SDK1: variants seen among roughly 807,000 people sequenced by gnomAD.
SDK1 encodes the protein sidekick cell adhesion molecule 1.
Under a neutral mutation model 245.5 loss-of-function variants are expected in SDK1, and 157 were observed. That is an observed-to-expected ratio of 0.64 (90% CI 0.56 to 0.73). The LOEUF (loss-of-function observed/expected upper bound fraction) is 0.73, where lower values mean the gene tolerates loss of function less well. SDK1 is among the 30% of genes least tolerant of loss of function. SDK1 has a pLI of 0.00. For missense variants in SDK1, 3,583 were observed against 3,002.3 expected (o/e 1.19, Z -4.52); for synonymous variants, 1,647 against 1,278.5 (o/e 1.29, Z -6.15).
chr7:3,858,022 T>G (rs1780588887), intron 5 of SDK1, among the ~76,000 whole-genome samples: 1 of 152,198 alleles, frequency 6.6e-6, no homozygotes, highest in Non-Finnish European at 1.5e-5. Flanking sequence ...CCCAAATCTA[T>G]AAATTCGGTA....
At chr7:3,676,414 C>G (rs574779000) in intron 4 of SDK1, among the ~76,000 whole-genome samples, 2 of 151,704 alleles carry the variant, frequency 1.3e-5, no homozygotes, top group African/African-American at 2.4e-5. Flanking sequence ...CAAGCTCCAC[C>G]TCCCAGGTTC....
chr7:3,587,569 A>C (rs1780731368), intron 1 of SDK1, among the ~76,000 whole-genome samples: 1 of 152,204 alleles, frequency 6.6e-6, no homozygotes, highest in African/African-American at 2.4e-5. Context: ...AGGCAGTGTG[A>C]ATCCAACTTT....
At chr7:3,747,749 G>C (rs189344773) in intron 4 of SDK1, among the ~76,000 whole-genome samples, 47 of 152,064 alleles carry the variant, frequency 3.1e-4, no homozygotes, top group Admixed American at 1.3e-4. Flanking sequence ...AAGAGTTGAT[G>C]AATGTTGAAA....
chr7:4,028,719 A>C (rs1787556899), intron 17 of SDK1, among the ~76,000 whole-genome samples: 1 of 152,216 alleles, frequency 6.6e-6, no homozygotes, highest in Non-Finnish European at 1.5e-5. Flanking sequence ...CTTCCAGTCA[A>C]GTATCCCTTT....
rs561645071 is a variant in SDK1, at chr7:3,993,437, A to G, written c.2131+6115A>G. 2.0e-5 allele frequency among the ~76,000 whole-genome samples: 3 copies of G among 152,288 alleles called. No individual in the cohort carries two copies. The East Asian group carries it at 5.8e-4, about 29-fold the overall frequency. On this transcript the variant is annotated intron_variant, in intron 14 of 44. Coordinates refer to ENST00000404826, the MANE Select transcript of SDK1 (RefSeq NM_152744.4). ...GTAACAAACATATTAAACATTCAGA[A>G]TCCTTCATTCTACTCAGTCCTACGG...
chr7:4,130,514 A>T (rs1784735750), intron 27 of SDK1: 2 of 171,182 alleles, frequency 1.2e-5, no homozygotes, highest in Admixed American at 1.2e-4. Context: ...AGACTACTAT[A>T]GTTTAAAAAA....
chr7:3,450,962 A>G (rs958601778), intron 1 of SDK1, among the ~76,000 whole-genome samples: 1 of 152,150 alleles, frequency 6.6e-6, no homozygotes, highest in African/African-American at 2.4e-5. Context: ...AGGAAACGAT[A>G]GTCATTGCAG....
intron 19 of SDK1, among the ~76,000 whole-genome samples, chr7:4,052,124 T>C (rs1778893531): frequency 6.6e-6 from 1 of 151,868 alleles, no homozygotes; most frequent in South Asian, 2.1e-4. Context: ...GAACTTGCTC[T>C]TCATGTAGAG....
At chr7:3,804,303 C>G (rs971459572) in intron 4 of SDK1, among the ~76,000 whole-genome samples, 1 of 151,920 alleles carries the variant, frequency 6.6e-6, no homozygotes, top group Non-Finnish European at 1.5e-5. Flanking sequence ...TTTCTTTTTT[C>G]TTAAGAATCT....
In SDK1 at chr7:3,425,897, GC is replaced by G. The variant is rs549999564; in HGVS notation, c.298+124016del. Among the ~76,000 whole-genome samples, 1,380 of 152,252 alleles carry G rather than the reference GC, an allele frequency of 9.1e-3. 19 individuals carry two copies. Among genetic ancestry groups the G allele is most frequent in the South Asian group, 0.018 (88 of 4,820 alleles). On this transcript the variant is annotated intron_variant, in intron 1 of 44. Coordinates refer to ENST00000404826, the MANE Select transcript of SDK1 (RefSeq NM_152744.4). ...AAACAAAAGATAAGAGACAATAGGA[GC>G]CCACATAGGATGGAAAGCTAGAAAT... is the stretch of plus-strand genomic sequence containing the variant.
rs547297058 is a variant in SDK1 at position 3,881,012 on chromosome 7, A to G, written c.847+59429A>G. 3.2e-4 allele frequency among the ~76,000 whole-genome samples: 49 copies of G among 152,166 alleles called. 1 individual carries two copies. In the East Asian group the frequency reaches 9.3e-3, roughly 29 times the overall value. The stretch of plus-strand genomic sequence containing the variant: ...CCCTTGAGAACAAAAGAAAAGAGAG[A>G]CCTTCATCTCTGGTAGACAGGATTT... On this transcript the variant is annotated intron_variant, in intron 5 of 44. Transcript: ENST00000404826.
intron 13 of SDK1, among the ~76,000 whole-genome samples, chr7:3,984,754 G>A (rs1310276405): frequency 6.6e-6 from 1 of 152,132 alleles, no homozygotes; most frequent in African/African-American, 2.4e-5. Flanking sequence ...CTCCCATCCT[G>A]ACTATTACAG....
At chr7:4,195,906 C>T (rs888216803) in intron 35 of SDK1, among the ~76,000 whole-genome samples, 5 of 152,138 alleles carry the variant, frequency 3.3e-5, no homozygotes, top group Non-Finnish European at 7.4e-5. Context: ...ACCCCAAAAT[C>T]CATGACAGAA....
intron 11 of SDK1, 127 bp from the exon 12 acceptor site, chr7:3,971,339 C>G (rs1782471070): frequency 1.5e-6 from 1 of 678,056 alleles, no homozygotes. Flanking sequence ...TCCATTTACA[C>G]TCATTCTGCC....
rs1780192792 is a variant in SDK1 at position 3,764,432 on chromosome 7, T to G, written c.714-57018T>G. 2.6e-5 allele frequency among the ~76,000 whole-genome samples: 4 copies of G among 152,188 alleles called. No homozygotes were observed. In the South Asian group the frequency reaches 8.3e-4, roughly 32 times the overall value. On this transcript the variant is annotated intron_variant, in intron 4 of 44. Coordinates refer to ENST00000404826, the MANE Select transcript of SDK1 (RefSeq NM_152744.4). ...CGGGCACAGTGACTCATGCCTGTAATCCCAACACTTTGGGAGGCCGAGGCG... is the reference window on the plus strand; with the variant it reads ...CGGGCACAGTGACTCATGCCTGTAAGCCCAACACTTTGGGAGGCCGAGGCG...
chr7:4,076,329 G>C (rs1584039627), intron 20 of SDK1, among the ~76,000 whole-genome samples: 1 of 152,190 alleles, frequency 6.6e-6, no homozygotes, highest in African/African-American at 2.4e-5. Context: ...CGAGGCGGGA[G>C]GATCTCTTGA....
chr7:4,053,175 C>T (rs1038104278), intron 19 of SDK1, among the ~76,000 whole-genome samples: 4 of 151,888 alleles, frequency 2.6e-5, no homozygotes, highest in Non-Finnish European at 5.9e-5. Context: ...TGGATGGGCT[C>T]AGCCTTCTGA....
chr7:3,974,363 C>T lies in SDK1; in HGVS notation c.1818-6C>T. ...TGTAACTCAAGACCCTTTGCTTGGC[C>T]CACAGCTACGTTTGGAAGAAGGACA... On this transcript the variant is annotated splice_region_variant and splice_polypyrimidine_tract_variant and intron_variant, in intron 12 of 44. Coordinates refer to ENST00000404826, the MANE Select transcript of SDK1 (RefSeq NM_152744.4). The T allele has an allele frequency of 6.2e-7, 1 of 1,609,514 alleles. No homozygotes were observed. The highest frequency in any genetic ancestry group is 1.1e-5 in the South Asian group (1 of 90,832).
chr7:4,180,739 G>A (rs1422419667), intron 35 of SDK1, among the ~76,000 whole-genome samples: 1 of 152,206 alleles, frequency 6.6e-6, no homozygotes, highest in Non-Finnish European at 1.5e-5. Context: ...GAAGGCGAAG[G>A]GGGAGCAGGC....
Sources: gnomAD v4.1 joint callset for allele counts (sites outside exome capture counted in the v4.1 genomes callset) on GRCh38, gnomAD v4.1.1 for gene constraint, MANE v1.5 for transcripts, NCBI Gene and HGNC (gene_info 2026-07-23, HGNC 2026-07-21) for gene names.